FHIT: variants seen among roughly 807,000 people sequenced by gnomAD.
FHIT encodes the protein bis(5'-adenosyl)-triphosphatase.
Under a neutral mutation model 17.9 loss-of-function variants are expected in FHIT, and 19 were observed. The ratio of observed to expected loss-of-function variants is 1.06; its 90% CI spans 0.74 to 1.56. The LOEUF (loss-of-function observed/expected upper bound fraction) is 1.56. Among genes scored for constraint, FHIT ranks in the 40% most tolerant of loss-of-function variants. The pLI is 0.00. For synonymous variants in FHIT, 81 were observed against 69.7 expected (o/e 1.16, Z -0.81); for missense variants, 248 against 189.2 (o/e 1.31, Z -1.82).
chr3:60,875,925 G>GTT (rs1175833780), intron 3 of FHIT, among the ~76,000 whole-genome samples: 1 of 125,392 alleles, frequency 8.0e-6, no homozygotes, highest in Non-Finnish European at 1.5e-5. Flanking sequence ...ACTTATTCAT[G>GTT]TGTGTGTGTG....
At chr3:60,870,617 CAT>C (rs1370065405) in intron 3 of FHIT, among the ~76,000 whole-genome samples, 1 of 152,140 alleles carries the variant, frequency 6.6e-6, no homozygotes, top group Admixed American at 6.6e-5. Flanking sequence ...CAAATGAAAA[CAT>C]AGCATCACTC....
chr3:60,458,564 T>G (rs1352392267), intron 5 of FHIT, among the ~76,000 whole-genome samples: 1 of 148,714 alleles, frequency 6.7e-6, no homozygotes, highest in Non-Finnish European at 1.5e-5. Flanking sequence ...GTTGTGCACA[T>G]GTACCCTAAA....
intron 5 of FHIT, among the ~76,000 whole-genome samples, chr3:60,076,457 A>G (rs917061914): frequency 2.0e-5 from 3 of 151,330 alleles, no homozygotes; most frequent in Non-Finnish European, 3.0e-5. Context: ...CAAGAAAGTG[A>G]AAGTGTTTTA....
At chr3:60,745,858 C>G (rs1451590079) in intron 4 of FHIT, among the ~76,000 whole-genome samples, 1 of 152,098 alleles carries the variant, frequency 6.6e-6, no homozygotes, top group Non-Finnish European at 1.5e-5. Flanking sequence ...CATCTGTACT[C>G]CCTCATCCCC....
At chr3:60,205,009 T>C (rs1043882659) in intron 5 of FHIT, among the ~76,000 whole-genome samples, 6 of 151,108 alleles carry the variant, frequency 4.0e-5, no homozygotes, top group East Asian at 3.9e-4. Context: ...GGTGGGAAGA[T>C]AGCTTGAGCC....
intron 7 of FHIT, among the ~76,000 whole-genome samples, chr3:59,955,001 T>C (rs1707321139): frequency 6.6e-6 from 1 of 152,338 alleles, no homozygotes; most frequent in Non-Finnish European, 1.5e-5. Context: ...ATTCAGACCC[T>C]GGAGAAGCCA....
At chr3:61,131,336 C>T (rs2036757259) in intron 2 of FHIT, among the ~76,000 whole-genome samples, 1 of 152,184 alleles carries the variant, frequency 6.6e-6, no homozygotes, top group Non-Finnish European at 1.5e-5. Flanking sequence ...ACATCAGCAT[C>T]AGTAAGTTGC....
intron 5 of FHIT, among the ~76,000 whole-genome samples, chr3:60,089,322 GT>G (rs578131627): frequency 1.1e-4 from 16 of 151,962 alleles, no homozygotes; most frequent in Non-Finnish European, 1.8e-4. Context: ...ATATTTTTGG[GT>G]TTTTTTTGTT....
chr3:60,137,900 A>G (rs1699881063), intron 5 of FHIT, among the ~76,000 whole-genome samples: 1 of 152,122 alleles, frequency 6.6e-6, no homozygotes. Flanking sequence ...AATAAAAGCA[A>G]TGGTTACATG....
chr3:59,996,532 C>T (rs1259106987), intron 7 of FHIT, among the ~76,000 whole-genome samples: 2 of 152,062 alleles, frequency 1.3e-5, no homozygotes, highest in African/African-American at 2.4e-5. Context: ...CTTTCGAATA[C>T]TTGAAAGATT....
chr3:60,365,727 A>AT (rs1393055838), intron 5 of FHIT, among the ~76,000 whole-genome samples: 3 of 152,192 alleles, frequency 2.0e-5, no homozygotes, highest in African/African-American at 7.2e-5. Context: ...CTTAAGATTT[A>AT]TTATTAAGAC....
intron 8 of FHIT, among the ~76,000 whole-genome samples, chr3:59,915,338 C>G (rs536020136): frequency 3.9e-4 from 60 of 152,268 alleles, no homozygotes; most frequent in Non-Finnish European, 7.1e-4. Flanking sequence ...TAGAGTGACA[C>G]GTGATTAAAT....
chr3:59,963,721 T>C (rs987680669), intron 7 of FHIT, among the ~76,000 whole-genome samples: 2 of 152,230 alleles, frequency 1.3e-5, no homozygotes, highest in African/African-American at 2.4e-5. Context: ...ATCCCAGTTT[T>C]GAAGATAGAG....
At chr3:61,232,057 G>A (rs1253055454) in intron 1 of FHIT, among the ~76,000 whole-genome samples, 2 of 152,180 alleles carry the variant, frequency 1.3e-5, no homozygotes, top group African/African-American at 4.8e-5. Flanking sequence ...TAACAAATAA[G>A]GCAATACAAG....
At chr3:61,035,308 T>C (rs2033188545) in intron 3 of FHIT, among the ~76,000 whole-genome samples, 2 of 152,230 alleles carry the variant, frequency 1.3e-5, no homozygotes. Flanking sequence ...TTAATAAATT[T>C]TTAAATCATA....
At chr3:60,734,996 C>G (rs2042106224) in intron 4 of FHIT, among the ~76,000 whole-genome samples, 2 of 152,150 alleles carry the variant, frequency 1.3e-5, no homozygotes, top group South Asian at 4.1e-4. Flanking sequence ...ACAACTCAGA[C>G]ACAAAATGAC....
intron 4 of FHIT, among the ~76,000 whole-genome samples, chr3:60,646,342 T>C (rs146713711): frequency 1.0e-3 from 158 of 152,328 alleles, no homozygotes; most frequent in African/African-American, 3.6e-3. Flanking sequence ...GTATTAAATC[T>C]GGTTAATTCT....
At chr3:59,975,510 T>C (rs1708370214) in intron 7 of FHIT, among the ~76,000 whole-genome samples, 1 of 152,100 alleles carries the variant, frequency 6.6e-6, no homozygotes, top group South Asian at 2.1e-4. Flanking sequence ...TCTATTATTT[T>C]TATAATTATT....
At chr3:60,622,367 A>AT (rs529690293) in intron 4 of FHIT, among the ~76,000 whole-genome samples, 14,522 of 150,030 alleles carry the variant, frequency 0.097, 877 homozygotes, top group Admixed American at 0.18. Flanking sequence ...ACAAATCTAG[A>AT]TTTTTTTTTT....
Sources: gnomAD v4.1 joint callset for allele counts (sites outside exome capture counted in the v4.1 genomes callset) on GRCh38, gnomAD v4.1.1 for gene constraint, MANE v1.5 for transcripts, NCBI Gene and HGNC (gene_info 2026-07-23, HGNC 2026-07-21) for gene names.